HIBCH: variants seen among roughly 807,000 people sequenced by gnomAD.
HIBCH encodes 3-hydroxyisobutyryl-CoA hydrolase, mitochondrial.
Under a neutral mutation model 58.2 loss-of-function variants are expected in HIBCH, and 50 were observed. The observed-to-expected ratio is 0.86, with a 90% CI of 0.68 to 1.09. The LOEUF is 1.09. Among genes scored for constraint, HIBCH ranks in the 50% least tolerant of loss-of-function variants. HIBCH has a pLI of 0.00. For missense variants in HIBCH, 450 were observed against 449.7 expected, an observed-to-expected ratio of 1.00 and a Z score of -0.01; for synonymous variants, 151 against 146.9, an observed-to-expected ratio of 1.03 and a Z score of -0.20.
chr2:190,210,584 G>A lies in HIBCH; in HGVS notation c.1012-1671C>T, dbSNP rs1690493651. On this transcript the variant is annotated intron_variant, in intron 12 of 13. Transcript: ENST00000359678. This position sits in a 1 kb window ranked among gnomAD's most constrained non-coding sequence, Gnocchi z 5.5. Reference sequence around the variant, plus strand: ...TTCCTCTCCTCATAATCACCTAGTGGCTTCCCATTTTACTCAGCCAAAGTC... The same window carrying A: ...TTCCTCTCCTCATAATCACCTAGTGACTTCCCATTTTACTCAGCCAAAGTC... Among the ~76,000 whole-genome samples, 1 of 152,086 alleles carries A rather than the reference G, an allele frequency of 6.6e-6. No homozygotes were observed. The highest frequency in any genetic ancestry group is 1.5e-5 in the Non-Finnish European group (1 of 68,008).
downstream of HIBCH, chr2:190,201,984 T>C (rs1690258627): frequency 6.0e-6 from 1 of 167,032 alleles, no homozygotes; most frequent in African/African-American, 2.4e-5. Flanking sequence ...CAATTAGGTA[T>C]ATAAAATAAG....
Position 190,233,187 on chromosome 2 carries a change from G to C in HIBCH, c.891+11700C>G, listed in dbSNP as rs558502288. ...GGAGGAACAGTGATTTCTTAAACAG[G>C]ATATAAAAGAACTATAAAGGAAAAA... On this transcript the variant is annotated intron_variant, in intron 11 of 13. Transcript: ENST00000359678. Among the ~76,000 whole-genome samples, 11 of 152,006 alleles carry C rather than the reference G, an allele frequency of 7.2e-5. No individual in the cohort carries two copies. In the South Asian group the frequency reaches 2.3e-3, roughly 32 times the overall value.
intron 7 of HIBCH, among the ~76,000 whole-genome samples, chr2:190,257,133 C>T (rs1245062196): frequency 2.6e-5 from 4 of 152,036 alleles, no homozygotes; most frequent in Non-Finnish European, 5.9e-5. Flanking sequence ...CAAAGCACAT[C>T]ATAATCAAAT....
intron 13 of HIBCH, 28 bp from the exon 14 acceptor site, chr2:190,205,260 A>C: frequency 8.2e-7 from 1 of 1,218,902 alleles, no homozygotes; most frequent in South Asian, 1.2e-5. Context: ...AAATGTTAAT[A>C]CCATTATTTT....
At position 190,205,242 on chromosome 2, in the gene HIBCH, G is replaced by A. The variant is rs1354874167; in HGVS notation, c.1046-10C>T. Reference sequence around the variant, plus strand: ...TCTTTATCAATTAAAACTGTCAAGAGAAGATACAAATGTTAATACCATTAT... The same window carrying A: ...TCTTTATCAATTAAAACTGTCAAGAAAAGATACAAATGTTAATACCATTAT... On this transcript the variant is annotated splice_polypyrimidine_tract_variant and intron_variant, in intron 13 of 13. Transcript: ENST00000359678. 7.2e-7 allele frequency: 1 copy of A among 1,383,682 alleles called. No individual in the cohort carries two copies. Among genetic ancestry groups the A allele is most frequent in the Non-Finnish European group, 1.0e-6 (1 of 971,270 alleles). The allele number at this position is 1,383,682 out of a possible 1,614,324, so 85.7% of individuals were successfully genotyped here.
At chr2:190,282,070 C>T (rs561686522) in intron 6 of HIBCH, among the ~76,000 whole-genome samples, 1 of 152,262 alleles carries the variant, frequency 6.6e-6, no homozygotes, top group East Asian at 1.9e-4. Context: ...GAGCCCTCAC[C>T]AGAATCACCC....
chr2:190,208,292 A>G (rs1216659733), intron 13 of HIBCH, among the ~76,000 whole-genome samples: 15 of 152,212 alleles, frequency 9.9e-5, no homozygotes, highest in Admixed American at 9.2e-4. Flanking sequence ...GGCCAGCACG[A>G]AAGAGGGAGA....
At chr2:190,293,863 AAC>A (rs1443473510) in intron 4 of HIBCH, among the ~76,000 whole-genome samples, 1 of 151,872 alleles carries the variant, frequency 6.6e-6, no homozygotes, top group Non-Finnish European at 1.5e-5. Context: ...TGATGCTGAG[AAC>A]AGACATTTCT....
At chr2:190,276,343 T>C (rs998126901) in intron 6 of HIBCH, among the ~76,000 whole-genome samples, 2 of 152,216 alleles carry the variant, frequency 1.3e-5, no homozygotes, top group Admixed American at 6.5e-5. Flanking sequence ...TGGGAAATTA[T>C]TAGGCATCCA....
downstream of HIBCH, chr2:190,202,247 C>T (rs139282845): frequency 7.8e-5 from 13 of 167,076 alleles, no homozygotes; most frequent in African/African-American, 3.1e-4. Flanking sequence ...AGCACCACTC[C>T]CTTGTCCCTG....
intron 7 of HIBCH, among the ~76,000 whole-genome samples, chr2:190,260,019 C>T (rs1178570026): frequency 6.6e-6 from 1 of 152,148 alleles, no homozygotes; most frequent in Non-Finnish European, 1.5e-5. Flanking sequence ...AAAATGTCCA[C>T]TCTCACCACT....
intron 8 of HIBCH, chr2:190,251,685 T>TA (rs551094989): frequency 0.01 from 1,887 of 179,716 alleles, 1 homozygote; most frequent in South Asian, 0.025. Flanking sequence ...GTTTTTTTTT[T>TA]AAAAAAAAAA....
chr2:190,277,485 C>T (rs1048956561), intron 6 of HIBCH, among the ~76,000 whole-genome samples: 6 of 152,054 alleles, frequency 3.9e-5, no homozygotes, highest in African/African-American at 1.2e-4. Context: ...AATTTATTGA[C>T]CAGAATCAAG....
At chr2:190,297,396 G>A (rs1688131419) in intron 2 of HIBCH, among the ~76,000 whole-genome samples, 1 of 152,212 alleles carries the variant, frequency 6.6e-6, no homozygotes. Context: ...AAGAAAAAGG[G>A]GAGGTGAGAA....
At position 190,252,300 on chromosome 2, in the gene HIBCH, G is replaced by T; in HGVS notation, c.525C>A (p.Phe175Leu). The T allele has an allele frequency of 6.2e-7, 1 of 1,612,534 alleles. No individual in the cohort carries two copies. The highest frequency in any genetic ancestry group is 8.5e-7 in the Non-Finnish European group (1 of 1,178,716). ...FAMPETAIGL[F>L]PDVGGGYFLP... ...AGAAATAACCTCCACCCACATCAGG[G>T]AACAGTCCTGTAATTAAATGTAACA... The change falls in exon 8 of 14, where the codon TTC becomes TTA. Residue 175 changes from phenylalanine (F) to leucine (L), a missense_variant. By Grantham distance (22) the Phe-to-Leu change is conservative (BLOSUM62 0). Coordinates refer to ENST00000359678, the MANE Select transcript of HIBCH (RefSeq NM_014362.4).
chr2:190,269,517 A>G (rs1687330875), intron 6 of HIBCH, among the ~76,000 whole-genome samples: 1 of 152,224 alleles, frequency 6.6e-6, no homozygotes, highest in Non-Finnish European at 1.5e-5. Context: ...TCAAAACCAC[A>G]ATGAGATACC....
At chr2:190,242,537 C>T (rs1327782006) in intron 11 of HIBCH, among the ~76,000 whole-genome samples, 1 of 152,094 alleles carries the variant, frequency 6.6e-6, no homozygotes, top group African/African-American at 2.4e-5. Context: ...GTTGCACTGG[C>T]TTTTCCTCAT....
chr2:190,277,422 CT>C (rs1451192767), intron 6 of HIBCH, among the ~76,000 whole-genome samples: 1 of 152,164 alleles, frequency 6.6e-6, no homozygotes, highest in Non-Finnish European at 1.5e-5. Flanking sequence ...GTGGCGCCAT[CT>C]TTTGGACTGT....
intron 2 of HIBCH, among the ~76,000 whole-genome samples, chr2:190,300,304 C>T (rs1222576839): frequency 6.6e-6 from 1 of 152,190 alleles, no homozygotes; most frequent in Non-Finnish European, 1.5e-5. Flanking sequence ...GTTCCCTTTT[C>T]TGCACATCCT....
Sources: gnomAD v4.1 joint callset for allele counts (sites outside exome capture counted in the v4.1 genomes callset) on GRCh38, gnomAD v4.1.1 for gene constraint, Gnocchi (gnomAD v3.1) non-coding constraint, MANE v1.5 for transcripts, NCBI Gene and HGNC (gene_info 2026-07-23, HGNC 2026-07-21) for gene names.